AKAP19: variants seen among roughly 807,000 people sequenced by gnomAD.
AKAP19 encodes small A-kinase anchoring protein.
At chr2:189,962,350 T>G in the AKAP19 span, among the ~76,000 whole-genome samples, 1 of 152,218 alleles carries the variant, frequency 6.6e-6, no homozygotes, top group Non-Finnish European at 1.5e-5. Flanking sequence ...TGCAATCCCC[T>G]GATGATATAT....
At chr2:190,144,714 C>T in the AKAP19 span, among the ~76,000 whole-genome samples, 2,301 of 152,290 alleles carry the variant, frequency 0.015, 29 homozygotes, top group Middle Eastern at 0.031. Flanking sequence ...TGGTGGCTCA[C>T]GCCTGTAATC....
chr2:189,975,061 G>A, the AKAP19 span, among the ~76,000 whole-genome samples: 1 of 152,190 alleles, frequency 6.6e-6, no homozygotes, highest in African/African-American at 2.4e-5. Context: ...AGTAGATGCA[G>A]TTTCTTCCTA....
chr2:189,971,763 G>A, the AKAP19 span, among the ~76,000 whole-genome samples: 1 of 152,068 alleles, frequency 6.6e-6, no homozygotes, highest in Non-Finnish European at 1.5e-5. Context: ...GTGACTTTTG[G>A]CTGCATAAAT....
chr2:189,904,248 T>A, the AKAP19 span, among the ~76,000 whole-genome samples: 1 of 152,056 alleles, frequency 6.6e-6, no homozygotes, highest in South Asian at 2.1e-4. Flanking sequence ...TCATATACAT[T>A]TTTATATAAT....
At chr2:190,089,025 T>C in the AKAP19 span, among the ~76,000 whole-genome samples, 3 of 152,228 alleles carry the variant, frequency 2.0e-5, no homozygotes, top group African/African-American at 4.8e-5. Context: ...GTTTAAAAGA[T>C]AGGCTCCAGC....
the AKAP19 span, among the ~76,000 whole-genome samples, chr2:190,110,023 G>C: frequency 6.6e-6 from 1 of 152,282 alleles, no homozygotes; most frequent in South Asian, 2.1e-4. Flanking sequence ...TCTGGGGTAG[G>C]GTGAGAGAGT....
At chr2:190,113,493 T>C in the AKAP19 span, among the ~76,000 whole-genome samples, 2 of 152,106 alleles carry the variant, frequency 1.3e-5, no homozygotes, top group East Asian at 3.8e-4. Flanking sequence ...GACAGCATAT[T>C]GTCTCAACTG....
the AKAP19 span, among the ~76,000 whole-genome samples, chr2:189,919,053 A>T: frequency 6.6e-6 from 1 of 152,228 alleles, no homozygotes; most frequent in Non-Finnish European, 1.5e-5. Context: ...ATTTTGGCAC[A>T]TTCTGAATAG....
the AKAP19 span, among the ~76,000 whole-genome samples, chr2:190,112,547 C>A: frequency 6.6e-6 from 1 of 152,112 alleles, no homozygotes; most frequent in Admixed American, 6.5e-5. Context: ...AGATAACTAT[C>A]AAAGTAAGGG....
the AKAP19 span, among the ~76,000 whole-genome samples, chr2:189,945,519 C>G: frequency 7.2e-5 from 11 of 152,176 alleles, no homozygotes; most frequent in African/African-American, 2.7e-4. Context: ...AATTCCTATT[C>G]ACAAAAACTG....
the AKAP19 span, among the ~76,000 whole-genome samples, chr2:189,899,771 TTC>T: frequency 0.02 from 2,867 of 145,942 alleles, 98 homozygotes; most frequent in African/African-American, 0.068. Context: ...TTCTTTTATA[TTC>T]TGTTATTATA....
At chr2:190,062,353 G>A in the AKAP19 span, 1 of 1,613,282 alleles carries the variant, frequency 6.2e-7, no homozygotes, top group African/African-American at 1.3e-5. Flanking sequence ...GGAGCTTTGG[G>A]TAAAAGTTGT....
the AKAP19 span, among the ~76,000 whole-genome samples, chr2:189,994,081 G>A: frequency 4.0e-5 from 6 of 150,900 alleles, no homozygotes; most frequent in African/African-American, 1.5e-4. Context: ...CGCGATCTCA[G>A]CTCACTGCAA....
the AKAP19 span, among the ~76,000 whole-genome samples, chr2:190,116,389 C>T: frequency 6.6e-6 from 1 of 152,104 alleles, no homozygotes; most frequent in Non-Finnish European, 1.5e-5. Context: ...GCCTCAATCT[C>T]TTTTATAGTC....
At chr2:190,163,061 TG>T in the AKAP19 span, among the ~76,000 whole-genome samples, 24 of 152,336 alleles carry the variant, frequency 1.6e-4, no homozygotes, top group South Asian at 4.6e-3. Context: ...GTAAACATTA[TG>T]CAACCGATGT....
chr2:190,045,441 G>A, the AKAP19 span, among the ~76,000 whole-genome samples: 1 of 151,944 alleles, frequency 6.6e-6, no homozygotes, highest in East Asian at 1.9e-4. Flanking sequence ...GAAGGCCCTG[G>A]CTGAGAGGTC....
At chr2:190,041,201 T>A in the AKAP19 span, among the ~76,000 whole-genome samples, 1 of 152,072 alleles carries the variant, frequency 6.6e-6, no homozygotes, top group African/African-American at 2.4e-5. Flanking sequence ...ATTTCATCTG[T>A]GTTTTGTAAT....
the AKAP19 span, among the ~76,000 whole-genome samples, chr2:190,175,550 T>G: frequency 5.3e-5 from 8 of 152,212 alleles, no homozygotes; most frequent in Non-Finnish European, 1.2e-4. Flanking sequence ...AGAACCAGAA[T>G]GGGTCTAGAG....
the AKAP19 span, among the ~76,000 whole-genome samples, chr2:189,891,297 C>T: frequency 1.5e-5 from 2 of 133,324 alleles, no homozygotes; most frequent in African/African-American, 5.8e-5. Flanking sequence ...GATCTCGGCT[C>T]ACTGCAACCT....
Sources: allele counts gnomAD v4.1 joint callset (sites outside exome capture counted in the v4.1 genomes callset), GRCh38; gene constraint gnomAD v4.1.1; transcripts MANE v1.5; gene names NCBI Gene and HGNC (gene_info 2026-07-23, HGNC 2026-07-21).